The following PRMT7 variants were observed in gnomAD, a reference collection of about 807,000 sequenced individuals.
The protein encoded by PRMT7 is protein arginine methyltransferase 7.
PRMT7 carries 75 observed loss-of-function variants against 85.4 expected under a neutral mutation model. The ratio of observed to expected loss-of-function variants is 0.88; its 90% CI spans 0.73 to 1.06. PRMT7 has a LOEUF of 1.06. PRMT7 is among the 50% of genes least tolerant of loss of function. PRMT7 has a pLI of 0.00. For missense variants in PRMT7, 868 were observed against 915.2 expected (o/e 0.95, Z 0.67); for synonymous variants, 397 against 359.5 (o/e 1.10, Z -1.18).
intron 5 of PRMT7, among the ~76,000 whole-genome samples, 190 bp from the exon 6 acceptor site, chr16:68,328,876 A>G (rs1211589174): frequency 6.6e-6 from 1 of 152,170 alleles, no homozygotes; most frequent in Non-Finnish European, 1.5e-5. Flanking sequence ...CTGGCACGGA[A>G]TGAGAGTCCC....
At chr16:68,345,180 T>C (rs2086171854) in intron 9 of PRMT7, among the ~76,000 whole-genome samples, 2 of 152,234 alleles carry the variant, frequency 1.3e-5, no homozygotes, top group African/African-American at 2.4e-5. Context: ...TGATAGCTTT[T>C]GTTTCCTCAG....
chr16:68,319,709 A>T (rs879621783), intron 3 of PRMT7, among the ~76,000 whole-genome samples: 41 of 41,902 alleles, frequency 9.8e-4, no homozygotes, highest in African/African-American at 2.0e-3. Flanking sequence ...AATAAGAGTG[A>T]GAGTGTGTGT....
At position 68,313,305 on chromosome 16, in the gene PRMT7, A is replaced by G. The variant is rs187994075; in HGVS notation, c.-84+1129A>G. On this transcript the variant is annotated intron_variant, in intron 2 of 18. Coordinates refer to ENST00000441236, the MANE Select transcript of PRMT7 (RefSeq NM_019023.5). ...AGGCACGTCTGACACAGGCACATGAACACCCAGTCATCACGCTTATGAACT... is the reference window on the plus strand; with the variant it reads ...AGGCACGTCTGACACAGGCACATGAGCACCCAGTCATCACGCTTATGAACT... Among the ~76,000 whole-genome samples the G allele has an allele frequency of 2.6e-5, 4 of 152,312 alleles. No homozygotes were observed. In the East Asian group the frequency reaches 7.7e-4, roughly 29 times the overall value.
chr16:68,343,328 G>A (rs1287768721), intron 9 of PRMT7, among the ~76,000 whole-genome samples: 5 of 152,168 alleles, frequency 3.3e-5, no homozygotes, highest in African/African-American at 1.2e-4. Context: ...CCGGGACTCA[G>A]CAGGCTCCAG....
chr16:68,345,684 C>T lies in PRMT7; in HGVS notation c.937C>T (p.His313Tyr). The change falls in exon 10 of 19, where the codon CAC becomes TAC. Residue 313 changes from histidine (H) to tyrosine (Y), a missense_variant. Physicochemically the swap from His to Tyr is moderately conservative, Grantham distance 83. Transcript: ENST00000441236. ...CTGTTCTCCGTTTCAGTGGCGGGACCACTGGATGCAGTGTGTGTACTTCCT... is the reference window on the plus strand; with the variant it reads ...CTGTTCTCCGTTTCAGTGGCGGGACTACTGGATGCAGTGTGTGTACTTCCT... ...SDPEEMQWRD[H>Y]WMQCVYFLPQ... 1 of 1,612,422 alleles carries T rather than the reference C, an allele frequency of 6.2e-7. No individual in the cohort carries two copies. The highest frequency in any genetic ancestry group is 8.5e-7 in the Non-Finnish European group (1 of 1,179,940).
At position 68,355,798 on chromosome 16, in the gene PRMT7, G is replaced by T; in HGVS notation, c.1726G>T (p.Glu576Ter). 6.2e-7 allele frequency: 1 copy of T among 1,611,788 alleles called. No individual in the cohort carries two copies. The highest frequency in any genetic ancestry group is 1.3e-5 in the African/African-American group (1 of 75,012). ...GGAGTACCCATGCCGCAGCCTCTCC[G>T]AGCCCTGGCAGATCCTGACCTTTGA... is the stretch of plus-strand genomic sequence containing the variant. ...LWEYPCRSLS[E>*]PWQILTFDFQ... The change falls in exon 17 of 19, where the codon GAG becomes TAG. Residue 576 changes from glutamate (E) to a stop codon, truncating the protein, a stop_gained. Coordinates refer to ENST00000441236, the MANE Select transcript of PRMT7 (RefSeq NM_019023.5). LOFTEE classifies it high-confidence loss of function.
intron 13 of PRMT7, 32 bp downstream of exon 13, chr16:68,347,710 A>T (rs746193877): frequency 6.2e-7 from 1 of 1,606,770 alleles, no homozygotes; most frequent in Non-Finnish European, 8.5e-7. Flanking sequence ...TGAAATAGTG[A>T]GAGGACCTGT....
chr16:68,338,592 A>G (rs1445757067), intron 7 of PRMT7, among the ~76,000 whole-genome samples: 3 of 152,118 alleles, frequency 2.0e-5, no homozygotes, highest in African/African-American at 7.2e-5. Context: ...TGGGGAAGGC[A>G]GCGGGAGTGA....
At chr16:68,340,292 A>G (rs1049095039) in intron 9 of PRMT7, among the ~76,000 whole-genome samples, 2 of 152,148 alleles carry the variant, frequency 1.3e-5, no homozygotes, top group South Asian at 4.1e-4. Flanking sequence ...AGCTTGGAAT[A>G]GAGAACTACA....
In PRMT7 at chr16:68,344,933, T is replaced by TACAAACACACACACACACACACACAC. The variant is rs1555563401; in HGVS notation, c.928-739_928-738insAACACACACACACACACACACACACA. Among the ~76,000 whole-genome samples the TACAAACACACACACACACACACACAC allele has an allele frequency of 1.9e-4, 25 of 131,164 alleles. No homozygotes were observed. The East Asian group carries it at 5.3e-3, about 28-fold the overall frequency. 86.0% of individuals were successfully genotyped at this position (131,164 alleles called of 152,430 possible). On this transcript the variant is annotated intron_variant, in intron 9 of 18. Coordinates refer to ENST00000441236, the MANE Select transcript of PRMT7 (RefSeq NM_019023.5). ...CTTTCTGCCTCCCTTCCTGCATCTC[T>TACAAACACACACACACACACACACAC]ACACACACACACACACACACACACG...
intron 17 of PRMT7, 109 bp from the exon 18 acceptor site, chr16:68,356,592 G>A: frequency 1.3e-6 from 1 of 778,310 alleles, no homozygotes; most frequent in Non-Finnish European, 2.1e-6. Flanking sequence ...CGGCAGGGCA[G>A]GAAGGAAGTG....
At chr16:68,322,387 A>C (rs1258525581) in intron 4 of PRMT7, 1 of 451,668 alleles carries the variant, frequency 2.2e-6, no homozygotes, top group Non-Finnish European at 4.4e-6. Flanking sequence ...TTGTAGAGGC[A>C]GAGTTTCGCT....
rs753759879 is a variant in PRMT7, at chr16:68,356,795, G to A, written c.1906G>A (p.Glu636Lys). The change falls in exon 18 of 19, where the codon GAG becomes AAG. Residue 636 changes from glutamate to lysine, a missense_variant and splice_region_variant. Coordinates refer to ENST00000441236, the MANE Select transcript of PRMT7 (RefSeq NM_019023.5). ...TGGCCTCCTGGAGCCTGCAGACCCC[G>A]AGGTAGTGCCTGCGCACCGGGCCCA... is the stretch of plus-strand genomic sequence containing the variant. ...STGLLEPADP[E>K]GGCCWNPHCK... 16 of 1,606,146 alleles carry A rather than the reference G, an allele frequency of 1.0e-5. No individual in the cohort carries two copies. The highest frequency in any genetic ancestry group is 6.7e-5 in the South Asian group (6 of 89,860).
chr16:68,352,127 A>AGAGG, intron 14 of PRMT7, 121 bp from the exon 15 acceptor site: 1 of 1,000,122 alleles, frequency 1.0e-6, no homozygotes, highest in South Asian at 1.6e-5. Context: ...TGAGGGAGGG[A>AGAGG]GAGGGAGGGA....
chr16:68,353,614 C>T (rs760493017), intron 16 of PRMT7, 48 bp downstream of exon 16: 10 of 1,479,526 alleles, frequency 6.8e-6, no homozygotes, highest in Middle Eastern at 1.8e-4. Context: ...GCTCCTGTAT[C>T]GCAGGCCTCT....
intron 3 of PRMT7, among the ~76,000 whole-genome samples, chr16:68,317,485 T>G (rs1275199166): frequency 1.3e-5 from 2 of 152,006 alleles, no homozygotes; most frequent in East Asian, 3.9e-4. Flanking sequence ...GGAGGATTGC[T>G]TATGCCCACG....
At chr16:68,342,171 G>A (rs1441231783) in intron 9 of PRMT7, among the ~76,000 whole-genome samples, 3 of 152,086 alleles carry the variant, frequency 2.0e-5, no homozygotes, top group Non-Finnish European at 2.9e-5. Flanking sequence ...CCAGCTACTC[G>A]GGAGGCTGAG....
At chr16:68,338,663 C>T (rs1384984254) in intron 7 of PRMT7, among the ~76,000 whole-genome samples, 1 of 152,068 alleles carries the variant, frequency 6.6e-6, no homozygotes, top group Non-Finnish European at 1.5e-5. Context: ...GCAGGGAGGC[C>T]AGTTATTCTG....
chr16:68,311,333 C>G (rs879593333), intron 1 of PRMT7: 1 of 305,870 alleles, frequency 3.3e-6, no homozygotes, highest in Non-Finnish European at 6.3e-6. Flanking sequence ...TCGCAGTACT[C>G]GTGCCTGGCG....
Sources: allele counts gnomAD v4.1 joint callset (sites outside exome capture counted in the v4.1 genomes callset), GRCh38; gene constraint gnomAD v4.1.1; transcripts MANE v1.5; gene names NCBI Gene and HGNC (gene_info 2026-07-23, HGNC 2026-07-21).